The following MAD1L1 variants were observed in gnomAD, a reference collection of about 807,000 sequenced individuals.
MAD1L1 encodes mitotic spindle assembly checkpoint protein MAD1.
A neutral mutation model predicts 96.9 loss-of-function variants in MAD1L1; 95 were observed. The observed-to-expected ratio is 0.98, with a 90% confidence interval of 0.83 to 1.16. MAD1L1 has a LOEUF of 1.16. MAD1L1 is among the 50% of genes most tolerant of loss of function. The pLI, the probability that MAD1L1 is intolerant of heterozygous loss-of-function variation, is 0.00. For missense variants in MAD1L1, 1,007 were observed against 954.4 expected, an observed-to-expected ratio of 1.06 and a Z score of -0.73; for synonymous variants, 473 against 396.6, an observed-to-expected ratio of 1.19 and a Z score of -2.29.
At chr7:2,087,494 C>A (rs1343383471) in intron 11 of MAD1L1, among the ~76,000 whole-genome samples, 2 of 152,138 alleles carry the variant, frequency 1.3e-5, no homozygotes, top group African/African-American at 4.8e-5. Flanking sequence ...GAGCCGAGAT[C>A]GCACCACTGC....
In MAD1L1 at chr7:2,040,067, T is replaced by C. The variant is rs150665698; in HGVS notation, c.1219-25425A>G. 9.2e-5 allele frequency among the ~76,000 whole-genome samples: 14 copies of C among 152,098 alleles called. No individual in the cohort carries two copies. In the East Asian group the frequency reaches 2.5e-3, roughly 27 times the overall value. ...AGAAAGAGGGTGCAGATCACTGCAG[T>C]TGGGAGTGAAAGAGACACTAGCTGA... On this transcript the variant is annotated intron_variant, in intron 12 of 18. Transcript: ENST00000265854.
At chr7:1,955,913 T>C (rs1779707367) in intron 16 of MAD1L1, among the ~76,000 whole-genome samples, 1 of 150,676 alleles carries the variant, frequency 6.6e-6, no homozygotes, top group Non-Finnish European at 1.5e-5. Context: ...TGAAACGAAC[T>C]ATTTTGCAGA....
chr7:2,048,499 C>T (rs971589582), intron 12 of MAD1L1, among the ~76,000 whole-genome samples: 3 of 152,338 alleles, frequency 2.0e-5, no homozygotes, highest in African/African-American at 7.2e-5. Context: ...CCACTCACTG[C>T]AGGTCCCATG....
At chr7:1,953,315 A>G (rs1281589695) in intron 16 of MAD1L1, among the ~76,000 whole-genome samples, 4 of 152,200 alleles carry the variant, frequency 2.6e-5, no homozygotes, top group African/African-American at 9.7e-5. Flanking sequence ...TAAACGTCAC[A>G]GGGCTCTTGT....
At chr7:1,867,844 A>G (rs2128652726) in intron 18 of MAD1L1, among the ~76,000 whole-genome samples, 1 of 152,334 alleles carries the variant, frequency 6.6e-6, no homozygotes, top group South Asian at 2.1e-4. Context: ...AGTTGTTCCA[A>G]CGACTTATTA....
intron 18 of MAD1L1, among the ~76,000 whole-genome samples, chr7:1,894,061 G>C (rs1377458760): frequency 6.6e-6 from 1 of 152,210 alleles, no homozygotes; most frequent in Admixed American, 6.5e-5. Flanking sequence ...CCTGAGCTGG[G>C]GGCGTGGAGC....
intron 18 of MAD1L1, among the ~76,000 whole-genome samples, chr7:1,891,890 T>C (rs1236416711): frequency 2.0e-5 from 3 of 152,326 alleles, no homozygotes; most frequent in East Asian, 3.9e-4. Context: ...CATTCATTTA[T>C]TATTGAAGAA....
chr7:1,887,344 CGT>C (rs1475638332), intron 18 of MAD1L1, among the ~76,000 whole-genome samples: 1 of 139,830 alleles, frequency 7.2e-6, no homozygotes, highest in Non-Finnish European at 1.6e-5. Flanking sequence ...TGCCTGTGTA[CGT>C]GTGAGCATGC....
At chr7:2,045,124 C>T (rs1417380710) in intron 12 of MAD1L1, among the ~76,000 whole-genome samples, 1 of 152,164 alleles carries the variant, frequency 6.6e-6, no homozygotes, top group Non-Finnish European at 1.5e-5. Flanking sequence ...CCACCAGGGG[C>T]CAGAAAGGAC....
chr7:1,842,206 T>C (rs1383453938), intron 18 of MAD1L1, among the ~76,000 whole-genome samples: 1 of 152,248 alleles, frequency 6.6e-6, no homozygotes, highest in Non-Finnish European at 1.5e-5. Context: ...AAGCTGCATT[T>C]CAACTCTGCA....
intron 15 of MAD1L1, among the ~76,000 whole-genome samples, chr7:1,965,941 G>A (rs1455188597): frequency 2.0e-5 from 3 of 152,276 alleles, no homozygotes; most frequent in Non-Finnish European, 4.4e-5. Flanking sequence ...ACTGAAAAGC[G>A]TAGTCCTGGA....
intron 17 of MAD1L1, among the ~76,000 whole-genome samples, chr7:1,934,258 C>T (rs1008042079): frequency 1.3e-5 from 2 of 152,234 alleles, no homozygotes; most frequent in South Asian, 2.1e-4. Context: ...AGCTCAGACA[C>T]GCCTCTTCGC....
chr7:2,055,334 G>A (rs1784343085), intron 12 of MAD1L1, among the ~76,000 whole-genome samples: 1 of 152,162 alleles, frequency 6.6e-6, no homozygotes, highest in Non-Finnish European at 1.5e-5. Context: ...CACATCAGCT[G>A]TGTGACCCGG....
At chr7:1,930,834 G>A (rs1327920984) in intron 17 of MAD1L1, among the ~76,000 whole-genome samples, 1 of 152,088 alleles carries the variant, frequency 6.6e-6, no homozygotes, top group Non-Finnish European at 1.5e-5. Flanking sequence ...CTGCTGGCCT[G>A]AAGCCCTCAC....
intron 18 of MAD1L1, among the ~76,000 whole-genome samples, chr7:1,863,766 G>A (rs917749909): frequency 2.6e-5 from 4 of 152,066 alleles, no homozygotes; most frequent in Non-Finnish European, 5.9e-5. Context: ...CTGCAGCCCC[G>A]TCAGGCACCC....
At chr7:1,885,248 T>C (rs1785939478) in intron 18 of MAD1L1, among the ~76,000 whole-genome samples, 1 of 152,000 alleles carries the variant, frequency 6.6e-6, no homozygotes, top group South Asian at 2.1e-4. Context: ...CAGGAACCAC[T>C]CCCTGCCCAG....
At position 2,113,899 on chromosome 7, in the gene MAD1L1, G is replaced by A. The variant is rs547947986; in HGVS notation, c.1073+35253C>T. On this transcript the variant is annotated intron_variant, in intron 11 of 18. Coordinates refer to ENST00000265854, the MANE Select transcript of MAD1L1 (RefSeq NM_001013836.2). Reference sequence around the variant, plus strand: ...GCTCTCGAAGAGGCGGGGTCACGACGACAGGAGAGACCGAGGAGCAGATTC... The same window carrying A: ...GCTCTCGAAGAGGCGGGGTCACGACAACAGGAGAGACCGAGGAGCAGATTC... 8.7e-4 allele frequency among the ~76,000 whole-genome samples: 132 copies of A among 152,302 alleles called. 1 individual carries two copies. Among genetic ancestry groups the A allele is most frequent in the South Asian group, 8.3e-3 (40 of 4,824 alleles).
intron 11 of MAD1L1, among the ~76,000 whole-genome samples, chr7:2,116,914 AAG>A (rs1213690286): frequency 4.6e-5 from 7 of 152,210 alleles, no homozygotes; most frequent in African/African-American, 1.7e-4. Context: ...AGTGGAGACA[AAG>A]AAGTATTTGC....
At chr7:1,844,848 C>A (rs60273938) in intron 18 of MAD1L1, among the ~76,000 whole-genome samples, 7,221 of 152,294 alleles carry the variant, frequency 0.047, 375 homozygotes, top group African/African-American at 0.13. Flanking sequence ...AGCACCTGAG[C>A]GTGTCCTCCT....
Sources: allele counts gnomAD v4.1 joint callset (sites outside exome capture counted in the v4.1 genomes callset), GRCh38; gene constraint gnomAD v4.1.1; transcripts MANE v1.5; gene names NCBI Gene and HGNC (gene_info 2026-07-23, HGNC 2026-07-21).